CDH23: variants seen among roughly 807,000 people sequenced by gnomAD.
CDH23 encodes the protein cadherin related 23.
A neutral mutation model predicts 317.1 loss-of-function variants in CDH23; 189 were observed. The ratio of observed to expected loss-of-function variants is 0.60; its 90% CI spans 0.53 to 0.67. The LOEUF (loss-of-function observed/expected upper bound fraction) is 0.67. Ranked by LOEUF, CDH23 falls within the 30% of genes least tolerant of loss-of-function variation. The pLI, the probability that CDH23 is intolerant of heterozygous loss-of-function variation, is 0.00. For missense variants in CDH23, 4,401 were observed against 4,592.4 expected (o/e 0.96, Z 1.20); for synonymous variants, 1,839 against 1,876.8 (o/e 0.98, Z 0.52).
At chr10:71,430,264 T>C (rs1849307402) in intron 1 of CDH23, among the ~76,000 whole-genome samples, 1 of 151,472 alleles carries the variant, frequency 6.6e-6, no homozygotes, top group Non-Finnish European at 1.5e-5. Context: ...GATATGAGGA[T>C]CAGGAGCCTC....
chr10:71,496,077 TG>T (rs1398301109), intron 3 of CDH23, among the ~76,000 whole-genome samples: 1 of 152,130 alleles, frequency 6.6e-6, no homozygotes, highest in Non-Finnish European at 1.5e-5. Flanking sequence ...TCTAACCGGG[TG>T]GTTCTTAACT....
At chr10:71,674,606 A>G (rs1564724666) in intron 14 of CDH23, among the ~76,000 whole-genome samples, 1 of 152,174 alleles carries the variant, frequency 6.6e-6, no homozygotes, top group Non-Finnish European at 1.5e-5. Flanking sequence ...TCACCCTCAC[A>G]ACAGCCCTGT....
intron 31 of CDH23, among the ~76,000 whole-genome samples, chr10:71,730,923 G>A (rs758744555): frequency 6.6e-6 from 1 of 152,246 alleles, no homozygotes; most frequent in Non-Finnish European, 1.5e-5. Context: ...AGAGCTGGGA[G>A]GGGTAAAGAG....
intron 11 of CDH23, among the ~76,000 whole-genome samples, chr10:71,640,922 G>C (rs1186842249): frequency 2.6e-5 from 4 of 152,184 alleles, no homozygotes; most frequent in African/African-American, 7.2e-5. Flanking sequence ...TTTTACCCTT[G>C]TAGTTCTCAT....
chr10:71,812,747 G>A, intron 67 of CDH23, 21 bp from the exon 68 acceptor site: 1 of 1,613,022 alleles, frequency 6.2e-7, no homozygotes, highest in East Asian at 2.2e-5. Flanking sequence ...CTCTGCTCCA[G>A]CTAACATCCC....
intron 41 of CDH23, among the ~76,000 whole-genome samples, chr10:71,782,773 T>A (rs1840990581): frequency 6.6e-6 from 1 of 152,202 alleles, no homozygotes; most frequent in Non-Finnish European, 1.5e-5. Context: ...CCCCAGTTCT[T>A]TGGAGACCTT....
chr10:71,734,556 G>A (rs1839501642), intron 33 of CDH23, 100 bp from the exon 34 acceptor site: 3 of 1,607,270 alleles, frequency 1.9e-6, no homozygotes, highest in Admixed American at 3.3e-5. Flanking sequence ...CACCTCCAGA[G>A]ACACTGCCGG....
chr10:71,752,890 A>G, intron 38 of CDH23: 2 of 1,493,706 alleles, frequency 1.3e-6, no homozygotes, highest in East Asian at 2.3e-5. Context: ...CTAGGCAGCT[A>G]AACAGGGCCC....
At chr10:71,425,232 G>GGAGAGA (rs748338206) in intron 1 of CDH23, among the ~76,000 whole-genome samples, 15 of 73,962 alleles carry the variant, frequency 2.0e-4, no homozygotes, top group East Asian at 1.7e-3. Flanking sequence ...AGAGAGAGAG[G>GGAGAGA]GAGAGAGAGA....
chr10:71,560,912 C>A (rs191222914), intron 6 of CDH23, among the ~76,000 whole-genome samples: 1 of 152,272 alleles, frequency 6.6e-6, no homozygotes, highest in East Asian at 1.9e-4. Flanking sequence ...ATTAATAACA[C>A]CTTTAGAGAT....
chr10:71,570,720 G>A, intron 7 of CDH23, 70 bp from the exon 8 acceptor site: 3 of 1,531,172 alleles, frequency 2.0e-6, no homozygotes, highest in Non-Finnish European at 2.7e-6. Flanking sequence ...CTGTGTGTGT[G>A]TGTACATATG....
chr10:71,399,540 A>G (rs952714988), intron 1 of CDH23, among the ~76,000 whole-genome samples: 6 of 152,222 alleles, frequency 3.9e-5, no homozygotes, highest in Admixed American at 2.6e-4. Flanking sequence ...TAATGCCACA[A>G]GAGTGTTTGT....
chr10:71,643,778 T>A, intron 11 of CDH23, 83 bp from the exon 12 acceptor site: 3 of 757,516 alleles, frequency 4.0e-6, no homozygotes, highest in Non-Finnish European at 4.8e-6. Context: ...GTCTTTTCTC[T>A]CTGGTTCCTT....
chr10:71,529,372 C>T (rs368387583), intron 6 of CDH23, among the ~76,000 whole-genome samples: 9 of 152,130 alleles, frequency 5.9e-5, no homozygotes, highest in African/African-American at 1.7e-4. Flanking sequence ...GGGTCATGCA[C>T]GTAGTACCCG....
At chr10:71,667,501 T>A (rs1401970854) in intron 14 of CDH23, among the ~76,000 whole-genome samples, 1 of 150,614 alleles carries the variant, frequency 6.6e-6, no homozygotes, top group African/African-American at 2.4e-5. Flanking sequence ...GTGCAGGGGG[T>A]ACAGGATGCA....
At chr10:71,402,128 G>A (rs1032872165) in intron 1 of CDH23, among the ~76,000 whole-genome samples, 1 of 152,108 alleles carries the variant, frequency 6.6e-6, no homozygotes, top group Non-Finnish European at 1.5e-5. Context: ...CATATATTTG[G>A]GGCCTCAGGG....
At position 71,805,850 on chromosome 10, in the gene CDH23, C is replaced by CAAGGATG. The variant is rs769879897; in HGVS notation, c.7919_7925dup (p.Leu2644Ter). 5.0e-6 allele frequency: 8 copies of CAAGGATG among 1,613,822 alleles called. No homozygotes were observed. Among genetic ancestry groups the CAAGGATG allele is most frequent in the Non-Finnish European group, 6.8e-6 (8 of 1,179,854 alleles). On this transcript the variant is annotated frameshift_variant, in exon 56 of 70. Coordinates refer to ENST00000224721, the MANE Select transcript of CDH23 (RefSeq NM_022124.6). LOFTEE classifies it high-confidence loss of function. ...ACGTGTACGAGGTCTACGCCACGGA[C>CAAGGATG]AAGGATGAGGGCCTCAACGGGGCGG...
chr10:71,514,425 C>T (rs1589153180), intron 6 of CDH23, among the ~76,000 whole-genome samples: 1 of 152,290 alleles, frequency 6.6e-6, no homozygotes, highest in Middle Eastern at 3.4e-3. Context: ...CTTTCAGCCC[C>T]TCCATGGCTG....
At chr10:71,650,554 T>C (rs773206260) in intron 14 of CDH23, among the ~76,000 whole-genome samples, 1 of 152,336 alleles carries the variant, frequency 6.6e-6, no homozygotes, top group Middle Eastern at 3.4e-3. Flanking sequence ...AATATACATG[T>C]GTGTGTGCAT....
Sources: gnomAD v4.1 joint callset for allele counts (sites outside exome capture counted in the v4.1 genomes callset) on GRCh38, gnomAD v4.1.1 for gene constraint, MANE v1.5 for transcripts, NCBI Gene and HGNC (gene_info 2026-07-23, HGNC 2026-07-21) for gene names.